Variants in LETM1 observed in about 807,000 individuals in gnomAD.
The protein encoded by LETM1 is mitochondrial proton/calcium exchanger protein.
LETM1 carries 50 observed loss-of-function variants against 74.5 expected under a neutral mutation model. The ratio of observed to expected loss-of-function variants is 0.67; its 90% CI spans 0.53 to 0.85. LETM1 has a LOEUF of 0.85. Among genes scored for constraint, LETM1 ranks in the 40% least tolerant of loss-of-function variants. The probability of loss-of-function intolerance (pLI) is 0.00; values close to 1 mark genes in which losing one functional copy is unlikely to be tolerated. For synonymous variants in LETM1, 446 were observed against 407.1 expected (o/e 1.10, Z -1.15); for missense variants, 824 against 967.8 (o/e 0.85, Z 1.97).
At chr4:1,838,232 T>C (rs1336375510) in intron 3 of LETM1, among the ~76,000 whole-genome samples, 1 of 151,950 alleles carries the variant, frequency 6.6e-6, no homozygotes, top group Non-Finnish European at 1.5e-5. Context: ...CCTGAGTAGT[T>C]GGGATTACAC....
rs776015992 is a variant in LETM1 at position 1,815,747 on chromosome 4, T to C, written c.1987A>G (p.Ile663Val). ...AGGCTGGTGAGCTTGCTTTCGGGAATGTGCTTGACTTGCTTCATGGCGTTG... is the reference window on the plus strand; with the variant it reads ...AGGCTGGTGAGCTTGCTTTCGGGAACGTGCTTGACTTGCTTCATGGCGTTG... ...LINAMKQVKH[I>V]PESKLTSLAA... Residue 663 changes from isoleucine (I) to valine (V), a missense_variant, in exon 13 of 14, where the codon ATT (isoleucine) becomes GTT (valine). Ile to Val is a conservative substitution (Grantham distance 29). Around this residue, in one of 4 missense-constraint regions of LETM1, gnomAD observed 161 missense variants for 252.7 expected, o/e 0.64. Coordinates refer to ENST00000302787, the MANE Select transcript of LETM1 (RefSeq NM_012318.3). 7 of 1,614,226 alleles carry C rather than the reference T, an allele frequency of 4.3e-6. No individual in the cohort carries two copies. The Admixed American group carries it at 5.0e-5, about 12-fold the overall frequency.
At chr4:1,828,205 C>T (rs1251606062) in intron 6 of LETM1, among the ~76,000 whole-genome samples, 13 of 130,332 alleles carry the variant, frequency 1.0e-4, no homozygotes, top group Non-Finnish European at 1.8e-4. Context: ...CCGGACGGGG[C>T]GGCTGGCCGG....
rs1712401795 is a variant in LETM1, at chr4:1,834,706, G to A, written c.876+139C>T. 33 of 1,501,098 alleles carry A rather than the reference G, an allele frequency of 2.2e-5. No homozygotes were observed. The highest frequency in any genetic ancestry group is 2.7e-5 in the Non-Finnish European group (31 of 1,127,806). The allele number at this position is 1,501,098 out of a possible 1,614,324, so 93.0% of individuals were successfully genotyped here. A position where few individuals can be genotyped will look rare whatever the true frequency, so the allele number is the denominator to read the frequency against. On this transcript the variant is annotated intron_variant, in intron 5 of 13. Transcript: ENST00000302787. The surrounding 1 kb of genome is among the most constrained non-coding windows in gnomAD (Gnocchi z 5.0). The stretch of plus-strand genomic sequence containing the variant: ...GACTCCTGACACTCCACTGGCCCCC[G>A]ACTGAGCCTCCTGGGTAAACTTTCA...
At chr4:1,815,903 C>G in intron 12 of LETM1, 101 bp from the exon 13 acceptor site, 1 of 1,454,412 alleles carries the variant, frequency 6.9e-7, no homozygotes, top group Non-Finnish European at 9.4e-7. Context: ...CTGACACAGG[C>G]GGCTCCGCGT....
Position 1,843,032 on chromosome 4 carries a change from T to C in LETM1, c.144-1235A>G, listed in dbSNP as rs546966839. ...TAAAAGGCCATGTGTGTCGCATAACTTCACATCAGCTCCTCCTGCTTCCAT... is the reference window on the plus strand; with the variant it reads ...TAAAAGGCCATGTGTGTCGCATAACCTCACATCAGCTCCTCCTGCTTCCAT... On this transcript the variant is annotated intron_variant, in intron 2 of 13. Transcript: ENST00000302787. 2.7e-5 allele frequency: 10 copies of C among 377,276 alleles called. No individual in the cohort carries two copies. In the East Asian group the frequency reaches 9.4e-4, roughly 36 times the overall value. The allele number at this position is 377,276 out of a possible 1,614,324, so 23.4% of individuals were successfully genotyped here. A position where few individuals can be genotyped will look rare whatever the true frequency, so the allele number is the denominator to read the frequency against.
chr4:1,852,928 T>G (rs911274111), intron 1 of LETM1, among the ~76,000 whole-genome samples: 11 of 152,152 alleles, frequency 7.2e-5, no homozygotes, highest in African/African-American at 2.7e-4. Context: ...GGTGCCAGGA[T>G]CAGGTCAAAG....
chr4:1,815,633 G>C, intron 13 of LETM1, 31 bp downstream of exon 13: 1 of 1,611,930 alleles, frequency 6.2e-7, no homozygotes, highest in South Asian at 1.1e-5. Context: ...GCAGGTGGCG[G>C]ATGGCCTGCG....
At chr4:1,837,658 T>C (rs888292933) in intron 3 of LETM1, among the ~76,000 whole-genome samples, 1 of 152,006 alleles carries the variant, frequency 6.6e-6, no homozygotes, top group African/African-American at 2.4e-5. Flanking sequence ...TTTTGGTAAA[T>C]TTATACATTG....
intron 11 of LETM1, among the ~76,000 whole-genome samples, chr4:1,818,640 G>GA (rs553905658): frequency 2.1e-4 from 32 of 150,314 alleles, no homozygotes; most frequent in African/African-American, 7.3e-4. Context: ...AAGAAAGAAA[G>GA]AAAAAAAATC....
intron 2 of LETM1, among the ~76,000 whole-genome samples, chr4:1,842,840 T>A (rs1164633843): frequency 6.6e-6 from 1 of 152,142 alleles, no homozygotes; most frequent in Non-Finnish European, 1.5e-5. Context: ...ACAGAGACCA[T>A]CATCTGACCG....
rs1722520853 is a variant in LETM1, at chr4:1,813,202, C to T, written c.*1222G>A. ...TCTTTAATGGCTGAACAGAAAGAAGCTTCAAGTAATGGAGAAGGCATTGTC... is the reference window on the plus strand; with the variant it reads ...TCTTTAATGGCTGAACAGAAAGAAGTTTCAAGTAATGGAGAAGGCATTGTC... On this transcript the variant is annotated 3_prime_UTR_variant, in exon 14 of 14. Transcript: ENST00000302787. The T allele has an allele frequency of 6.6e-6, 1 of 152,374 alleles. No homozygotes were observed. The highest frequency in any genetic ancestry group is 2.4e-5 in the African/African-American group (1 of 41,462). The allele number at this position is 152,374 out of a possible 1,614,324, so 9.4% of individuals were successfully genotyped here.
chr4:1,819,297 C>T, intron 11 of LETM1, 41 bp downstream of exon 11: 1 of 1,574,998 alleles, frequency 6.3e-7, no homozygotes, highest in Non-Finnish European at 8.6e-7. Flanking sequence ...CGATTTTACT[C>T]TTCTTGCAGT....
In LETM1 at chr4:1,815,744, G is replaced by T; in HGVS notation, c.1990C>A (p.Pro664Thr). Residue 664 changes from proline (P) to threonine (T), a missense_variant, in exon 13 of 14, where the codon CCC becomes ACC. By Grantham distance (38) the Pro-to-Thr change is conservative. Coordinates refer to ENST00000302787, the MANE Select transcript of LETM1 (RefSeq NM_012318.3). The part of the protein sequence containing the change: ...INAMKQVKHI[P>T]ESKLTSLAAA... Reference sequence around the variant, plus strand: ...GCCAGGCTGGTGAGCTTGCTTTCGGGAATGTGCTTGACTTGCTTCATGGCG... The same window carrying T: ...GCCAGGCTGGTGAGCTTGCTTTCGGTAATGTGCTTGACTTGCTTCATGGCG... 1 of 1,614,200 alleles carries T rather than the reference G, an allele frequency of 6.2e-7. No individual in the cohort carries two copies. Among genetic ancestry groups the T allele is most frequent in the African/African-American group, 1.3e-5 (1 of 75,064 alleles).
intron 2 of LETM1, among the ~76,000 whole-genome samples, chr4:1,847,819 G>C (rs536751340): frequency 7.6e-6 from 1 of 130,940 alleles, no homozygotes. Flanking sequence ...AACAAAACTC[G>C]GTCTCAAAAA....
chr4:1,815,978 C>T (rs1246487646), intron 12 of LETM1, among the ~76,000 whole-genome samples, 176 bp from the exon 13 acceptor site: 1 of 152,272 alleles, frequency 6.6e-6, no homozygotes, highest in Non-Finnish European at 1.5e-5. Flanking sequence ...ATGCCAAGAG[C>T]TCCCAGGGCC....
intron 1 of LETM1, among the ~76,000 whole-genome samples, chr4:1,849,904 C>G (rs1374035357): frequency 6.6e-6 from 1 of 151,602 alleles, no homozygotes; most frequent in African/African-American, 2.4e-5. Flanking sequence ...CGCCTGTAAT[C>G]CCAGCACTTT....
intron 6 of LETM1, among the ~76,000 whole-genome samples, chr4:1,832,529 G>A (rs377254653): frequency 4.6e-5 from 7 of 152,106 alleles, no homozygotes; most frequent in African/African-American, 1.7e-4. Flanking sequence ...TAAATCTGAC[G>A]AAATCCAAAC....
chr4:1,816,087 G>A (rs780171933), intron 12 of LETM1, among the ~76,000 whole-genome samples: 6 of 152,274 alleles, frequency 3.9e-5, no homozygotes, highest in Admixed American at 3.9e-4. Context: ...CTGCTGGGCT[G>A]TTGTCCTCAG....
At position 1,819,456 on chromosome 4, in the gene LETM1, T is replaced by C; in HGVS notation, c.1625A>G (p.Lys542Arg). ...ATCGCTGAGGATGTCGATTTCCTCC[T>C]TCGTGATCTCTTCCTCCTGGGATAA... ...LEGLKEEEIT[K>R]EEIDILSDAC... Residue 542 changes from lysine to arginine, a missense_variant, in exon 11 of 14, where the codon AAG becomes AGG. By Grantham distance (26) the Lys-to-Arg change is conservative. This residue lies in a region of LETM1 where 161 missense variants were observed against 252.7 expected (regional missense o/e 0.64). Transcript: ENST00000302787. 6.2e-7 allele frequency: 1 copy of C among 1,613,084 alleles called. No individual in the cohort carries two copies. Among genetic ancestry groups the C allele is most frequent in the South Asian group, 1.1e-5 (1 of 90,844 alleles).
Sources: allele counts gnomAD v4.1 joint callset (sites outside exome capture counted in the v4.1 genomes callset), GRCh38; gene constraint gnomAD v4.1.1; regional missense constraint gnomAD v4.1.1; non-coding constraint Gnocchi (gnomAD v3.1); transcripts MANE v1.5; gene names NCBI Gene and HGNC (gene_info 2026-07-23, HGNC 2026-07-21).